FOXP2: variants seen among roughly 807,000 people sequenced by gnomAD.
FOXP2 encodes the protein forkhead box protein P2.
FOXP2 carries 12 observed loss-of-function variants against 115.8 expected under a neutral mutation model. That is an observed-to-expected ratio of 0.10 (90% CI 0.07 to 0.17). The LOEUF is 0.17. Ranked by LOEUF, FOXP2 falls within the 10% of genes least tolerant of loss-of-function variation. FOXP2 has a pLI of 1.00. For missense variants in FOXP2, 629 were observed against 843.5 expected, an observed-to-expected ratio of 0.75 and a Z score of 3.15; for synonymous variants, 328 against 297.7, an observed-to-expected ratio of 1.10 and a Z score of -1.05.
exon 1 of FOXP2, chr7:114,163,076 T>C (rs1792883886): frequency 6.6e-6 from 1 of 152,160 alleles, no homozygotes; most frequent in African/African-American, 2.4e-5. Flanking sequence ...AATTAAAGTC[T>C]AACTCTCCAA....
intron 3 of FOXP2, among the ~76,000 whole-genome samples, chr7:114,599,703 G>A (rs184829655): frequency 6.6e-6 from 1 of 152,182 alleles, no homozygotes; most frequent in Non-Finnish European, 1.5e-5. Flanking sequence ...TGTAGTGACA[G>A]TCCTTTTCTC....
At chr7:114,360,169 T>A (rs1791712101) in intron 2 of FOXP2, among the ~76,000 whole-genome samples, 1 of 152,124 alleles carries the variant, frequency 6.6e-6, no homozygotes, top group African/African-American at 2.4e-5. Context: ...TAAAGGGCAG[T>A]TCCTCTGCAC....
chr7:114,326,089 T>C (rs1446570522), intron 2 of FOXP2, among the ~76,000 whole-genome samples: 1 of 152,116 alleles, frequency 6.6e-6, no homozygotes, highest in Non-Finnish European at 1.5e-5. Context: ...TCGTTAGAAT[T>C]AGTTCATTCA....
At chr7:114,425,844 A>G (rs918209145) in intron 1 of FOXP2, among the ~76,000 whole-genome samples, 1 of 151,692 alleles carries the variant, frequency 6.6e-6, no homozygotes, top group African/African-American at 2.4e-5. Context: ...AGAAAAATAA[A>G]TGAATATGAG....
At chr7:114,236,217 A>G in intron 1 of FOXP2, among the ~76,000 whole-genome samples, 1 of 152,334 alleles carries the variant, frequency 6.6e-6, no homozygotes, top group South Asian at 2.1e-4. Context: ...CTTTGATGTT[A>G]AATAAATGAT....
intron 1 of FOXP2, among the ~76,000 whole-genome samples, chr7:114,088,917 C>A (rs1799485315): frequency 6.6e-6 from 1 of 152,022 alleles, no homozygotes; most frequent in South Asian, 2.1e-4. Context: ...AATTTCATAT[C>A]AGTTTTAGAG....
At chr7:114,571,845 C>T (rs1801320001) in intron 3 of FOXP2, among the ~76,000 whole-genome samples, 1 of 151,614 alleles carries the variant, frequency 6.6e-6, no homozygotes, top group Non-Finnish European at 1.5e-5. Flanking sequence ...TGTCCAATCC[C>T]CTACACATAC....
intron 2 of FOXP2, among the ~76,000 whole-genome samples, chr7:114,471,704 C>T (rs1796053540): frequency 6.6e-6 from 1 of 151,738 alleles, no homozygotes; most frequent in Non-Finnish European, 1.5e-5. Context: ...AATCCCAGCA[C>T]TTTGGGAGGC....
chr7:114,551,870 T>A (rs1005211988), intron 3 of FOXP2, among the ~76,000 whole-genome samples: 4 of 152,210 alleles, frequency 2.6e-5, no homozygotes, highest in Non-Finnish European at 5.9e-5. Flanking sequence ...ACCCTCATAC[T>A]AGCAAAGGTA....
At chr7:114,540,045 T>C (rs144870946) in intron 3 of FOXP2, among the ~76,000 whole-genome samples, 1 of 152,160 alleles carries the variant, frequency 6.6e-6, no homozygotes, top group Admixed American at 6.6e-5. Flanking sequence ...AAGGAGTTAA[T>C]AAATAATTAC....
chr7:114,359,504 A>G (rs1791695660), intron 2 of FOXP2, among the ~76,000 whole-genome samples: 2 of 152,316 alleles, frequency 1.3e-5, no homozygotes, highest in East Asian at 3.9e-4. Flanking sequence ...AGCTTGTACC[A>G]TGGGCCTGGA....
At chr7:114,225,764 T>C (rs1794731598) in intron 1 of FOXP2, among the ~76,000 whole-genome samples, 1 of 152,182 alleles carries the variant, frequency 6.6e-6, no homozygotes. Flanking sequence ...TTTCTAGCAA[T>C]TTTTAACTTT....
upstream of FOXP2, chr7:114,414,268 T>C (rs1793245476): frequency 6.6e-6 from 1 of 152,108 alleles, no homozygotes; most frequent in Admixed American, 6.6e-5. Context: ...CAGATGGACT[T>C]TCTTTTGCAT....
At chr7:114,615,748 G>A (rs1033797614) in intron 3 of FOXP2, among the ~76,000 whole-genome samples, 1 of 152,156 alleles carries the variant, frequency 6.6e-6, no homozygotes, top group East Asian at 1.9e-4. Flanking sequence ...GAGACTGTAC[G>A]GGTCCCTTGC....
At chr7:114,454,733 A>C (rs1306242295) in intron 2 of FOXP2, among the ~76,000 whole-genome samples, 1 of 130,928 alleles carries the variant, frequency 7.6e-6, no homozygotes. Flanking sequence ...CATGGATAAA[A>C]TTGGAAATCA....
chr7:114,249,266 A>T (rs979232254), intron 1 of FOXP2, among the ~76,000 whole-genome samples: 1 of 152,156 alleles, frequency 6.6e-6, no homozygotes, highest in Non-Finnish European at 1.5e-5. Flanking sequence ...TTTGTTACAT[A>T]GGTAAACGTG....
intron 2 of FOXP2, among the ~76,000 whole-genome samples, chr7:114,320,158 C>G (rs1282048620): frequency 6.6e-6 from 1 of 152,212 alleles, no homozygotes; most frequent in African/African-American, 2.4e-5. Context: ...TCAGTTAGGT[C>G]ACCTCTGATT....
At chr7:114,512,855 A>C (rs1798141390) in intron 2 of FOXP2, among the ~76,000 whole-genome samples, 1 of 152,092 alleles carries the variant, frequency 6.6e-6, no homozygotes, top group South Asian at 2.1e-4. Context: ...AGGCAGAGGC[A>C]GGTTGATCAT....
At chr7:114,508,649 G>A (rs1031565028) in intron 2 of FOXP2, among the ~76,000 whole-genome samples, 1 of 151,996 alleles carries the variant, frequency 6.6e-6, no homozygotes, top group Non-Finnish European at 1.5e-5. Context: ...TTTTAGAAAG[G>A]TGAGCCATTA....
Sources: gnomAD v4.1 joint callset for allele counts (sites outside exome capture counted in the v4.1 genomes callset) on GRCh38, gnomAD v4.1.1 for gene constraint, MANE v1.5 for transcripts, NCBI Gene and HGNC (gene_info 2026-07-23, HGNC 2026-07-21) for gene names.